The following AMBRA1 variants were observed in gnomAD, a reference collection of about 807,000 sequenced individuals.
AMBRA1 encodes the protein activating molecule in BECN1-regulated autophagy protein 1.
In AMBRA1, 47 loss-of-function variants were observed where a neutral mutation model predicts 125.4. The ratio of observed to expected loss-of-function variants is 0.37; its 90% CI spans 0.30 to 0.48. The LOEUF is 0.48. Ranked by LOEUF, AMBRA1 falls within the 20% of genes least tolerant of loss-of-function variation. The probability of loss-of-function intolerance (pLI) is 0.99; values close to 1 mark genes in which losing one functional copy is unlikely to be tolerated. For synonymous variants in AMBRA1, 626 were observed against 655.5 expected (o/e 0.95, Z 0.69); for missense variants, 1,331 against 1,693.4 (o/e 0.79, Z 3.76).
At chr11:46,400,213 A>C (rs1380353803) in intron 17 of AMBRA1, among the ~76,000 whole-genome samples, 1 of 152,170 alleles carries the variant, frequency 6.6e-6, no homozygotes, top group Admixed American at 6.5e-5. Flanking sequence ...ATTTGTCTCC[A>C]TCAGCTACTG....
At chr11:46,482,667 G>A (rs1950116995) in intron 11 of AMBRA1, among the ~76,000 whole-genome samples, 1 of 152,082 alleles carries the variant, frequency 6.6e-6, no homozygotes. Context: ...TAACTTCCCT[G>A]CATTAGGAAG....
chr11:46,420,894 G>A (rs988883254), intron 14 of AMBRA1, among the ~76,000 whole-genome samples: 1 of 152,154 alleles, frequency 6.6e-6, no homozygotes, highest in African/African-American at 2.4e-5. Flanking sequence ...AGAATAATAA[G>A]ACTTTAGTAA....
chr11:46,507,352 G>A (rs1317891863), intron 9 of AMBRA1, among the ~76,000 whole-genome samples: 3 of 151,380 alleles, frequency 2.0e-5, no homozygotes, highest in Admixed American at 1.3e-4. Flanking sequence ...GGTGGCGGGC[G>A]CCTGTAGTCC....
At chr11:46,580,137 T>C (rs1309549999) in intron 1 of AMBRA1, among the ~76,000 whole-genome samples, 1 of 152,248 alleles carries the variant, frequency 6.6e-6, no homozygotes, top group African/African-American at 2.4e-5. Flanking sequence ...TAATCATCAA[T>C]GATCTCTGTG....
intron 1 of AMBRA1, among the ~76,000 whole-genome samples, chr11:46,576,622 T>A (rs1159604070): frequency 6.6e-6 from 1 of 152,200 alleles, no homozygotes; most frequent in African/African-American, 2.4e-5. Context: ...CAGGAAGTTC[T>A]TTCTAACATG....
Position 46,547,283 on chromosome 11 carries a change from A to T in AMBRA1, c.208T>A (p.Ser70Thr), listed in dbSNP as rs928133070. Residue 70 changes from serine to threonine, a missense_variant, in exon 4 of 18, where the codon TCC becomes ACC. Transcript: ENST00000683756. ...TAGATATTATGGTTCACATGGGTGG[A>T]GGCTAAGAGAGTCCTAGAAAATCAA... ...AFSPDRTLLA[S>T]THVNHNIYIT... The T allele has an allele frequency of 1.2e-6, 2 of 1,607,042 alleles. No individual in the cohort carries two copies. The highest frequency in any genetic ancestry group is 1.7e-5 in the Admixed American group (1 of 58,166).
At chr11:46,413,865 G>A (rs1377376127) in intron 15 of AMBRA1, among the ~76,000 whole-genome samples, 2 of 152,226 alleles carry the variant, frequency 1.3e-5, no homozygotes, top group Non-Finnish European at 1.5e-5. Flanking sequence ...ATGTCCTGGT[G>A]TCTTCTTGGG....
chr11:46,445,071 C>CAAAAA (rs11386442), intron 11 of AMBRA1, among the ~76,000 whole-genome samples: 2 of 89,824 alleles, frequency 2.2e-5, no homozygotes. Context: ...AAAAGAAAAA[C>CAAAAA]AAAAAAAAAA....
chr11:46,547,759 C>T, intron 3 of AMBRA1, 58 bp downstream of exon 3: 1 of 1,532,442 alleles, frequency 6.5e-7, no homozygotes, highest in South Asian at 1.2e-5. Flanking sequence ...CAAGCCAGGC[C>T]AAATATACAG....
chr11:46,463,398 C>G lies in AMBRA1; in HGVS notation c.2522-19800G>C, dbSNP rs575823167. ...TCTTTATATAAAATATATAGATGCT[C>G]TGCTGTAGAAGGTATGCAGTAACTC... is the stretch of plus-strand genomic sequence containing the variant. On this transcript the variant is annotated intron_variant, in intron 11 of 17. Coordinates refer to ENST00000683756, the MANE Select transcript of AMBRA1 (RefSeq NM_001387011.1). Among the ~76,000 whole-genome samples the G allele has an allele frequency of 1.6e-3, 250 of 152,268 alleles. 3 individuals carry two copies. The highest frequency in any genetic ancestry group is 2.4e-3 in the Non-Finnish European group (166 of 68,018).
chr11:46,452,521 T>C (rs754994855), intron 11 of AMBRA1, among the ~76,000 whole-genome samples: 4 of 152,156 alleles, frequency 2.6e-5, no homozygotes, highest in African/African-American at 4.8e-5. Context: ...TTATCTGAGC[T>C]CTCTGTAAAT....
intron 16 of AMBRA1, 77 bp downstream of exon 16, chr11:46,410,199 T>G: frequency 7.1e-7 from 1 of 1,410,380 alleles, no homozygotes; most frequent in Non-Finnish European, 1.0e-6. Context: ...TAGAGGGCGC[T>G]GCTTAAGAGC....
At chr11:46,418,276 TTTTA>T (rs1354509365) in intron 14 of AMBRA1, among the ~76,000 whole-genome samples, 1 of 143,782 alleles carries the variant, frequency 7.0e-6, no homozygotes, top group Non-Finnish European at 1.5e-5. Context: ...ATATAATATG[TTTTA>T]TTATTTATAT....
At chr11:46,482,646 C>G (rs143885481) in intron 11 of AMBRA1, among the ~76,000 whole-genome samples, 1 of 152,072 alleles carries the variant, frequency 6.6e-6, no homozygotes, top group African/African-American at 2.4e-5. Flanking sequence ...TCCTTTGTAC[C>G]CTGGACCAGT....
chr11:46,443,838 T>C (rs1948138777), intron 11 of AMBRA1, among the ~76,000 whole-genome samples: 1 of 152,240 alleles, frequency 6.6e-6, no homozygotes, highest in African/African-American at 2.4e-5. Flanking sequence ...CCATTGTTAC[T>C]TAACATTTAC....
intron 16 of AMBRA1, among the ~76,000 whole-genome samples, chr11:46,410,052 C>A (rs1275693937): frequency 6.6e-6 from 1 of 152,246 alleles, no homozygotes; most frequent in Non-Finnish European, 1.5e-5. Context: ...GGGAGAGGGC[C>A]AGGGGGTGGT....
intron 11 of AMBRA1, among the ~76,000 whole-genome samples, chr11:46,446,870 A>G (rs1470374709): frequency 6.6e-6 from 1 of 152,236 alleles, no homozygotes; most frequent in Admixed American, 6.5e-5. Flanking sequence ...AAACTAATCC[A>G]AGGCACAGCA....
intron 17 of AMBRA1, among the ~76,000 whole-genome samples, chr11:46,407,954 T>C (rs1359532834): frequency 3.3e-5 from 5 of 152,128 alleles, no homozygotes; most frequent in African/African-American, 1.2e-4. Context: ...AAGTGCTAAT[T>C]GGTTTTTAAA....
intron 11 of AMBRA1, among the ~76,000 whole-genome samples, chr11:46,477,856 G>A (rs573554173): frequency 6.6e-6 from 1 of 151,890 alleles, no homozygotes; most frequent in Non-Finnish European, 1.5e-5. Context: ...CGGGCAGATC[G>A]CTTGAGGTCA....
Sources: gnomAD v4.1 joint callset for allele counts (sites outside exome capture counted in the v4.1 genomes callset) on GRCh38, gnomAD v4.1.1 for gene constraint, MANE v1.5 for transcripts, NCBI Gene and HGNC (gene_info 2026-07-23, HGNC 2026-07-21) for gene names.